The following CMIP variants were observed in gnomAD, a reference collection of about 807,000 sequenced individuals.
The protein encoded by CMIP is c-Maf inducing protein, also known as C-Maf-inducing protein.
A neutral mutation model predicts 97.3 loss-of-function variants in CMIP; 13 were observed. That is an observed-to-expected ratio of 0.13 (90% CI 0.09 to 0.21). CMIP has a LOEUF of 0.21. CMIP is among the 10% of genes least tolerant of loss of function. The probability of loss-of-function intolerance (pLI) is 1.00; values close to 1 mark genes in which losing one functional copy is unlikely to be tolerated. For missense variants in CMIP, 847 were observed against 1,024.9 expected, an observed-to-expected ratio of 0.83 and a Z score of 2.37; for synonymous variants, 538 against 436.3, an observed-to-expected ratio of 1.23 and a Z score of -2.91.
rs563329807 is a variant in CMIP at position 81,463,464 on chromosome 16, G to A, written c.300+17923G>A. 1.2e-4 allele frequency among the ~76,000 whole-genome samples: 18 copies of A among 152,292 alleles called. No individual in the cohort carries two copies. The South Asian group carries it at 1.7e-3, about 14-fold the overall frequency. ...TTGTTTGCTTCATTACTCCCACTACGTTTGGCGGGACGGCGGTTGTGGTTT... is the reference window on the plus strand; with the variant it reads ...TTGTTTGCTTCATTACTCCCACTACATTTGGCGGGACGGCGGTTGTGGTTT... On this transcript the variant is annotated intron_variant, in intron 1 of 20. Coordinates refer to ENST00000537098, the MANE Select transcript of CMIP (RefSeq NM_198390.3).
chr16:81,696,290 A>G, intron 13 of CMIP: 1 of 547,242 alleles, frequency 1.8e-6, no homozygotes, highest in Non-Finnish European at 3.3e-6. Flanking sequence ...CTTCATTCAG[A>G]TCAGCCAATC....
intron 7 of CMIP, chr16:81,666,026 G>C (rs1360920989): frequency 6.6e-6 from 1 of 152,202 alleles, no homozygotes; most frequent in Non-Finnish European, 1.5e-5. Context: ...TCAGAACACA[G>C]GGGATAGGGA....
intron 1 of CMIP, among the ~76,000 whole-genome samples, chr16:81,465,480 C>T (rs1282876072): frequency 6.6e-6 from 1 of 152,236 alleles, no homozygotes; most frequent in Non-Finnish European, 1.5e-5. Flanking sequence ...TCTCTGTCCC[C>T]AGACTGGACC....
intron 1 of CMIP, among the ~76,000 whole-genome samples, chr16:81,515,680 C>T (rs115490546): frequency 3.9e-5 from 6 of 152,124 alleles, no homozygotes; most frequent in Non-Finnish European, 5.9e-5. Flanking sequence ...TTCTAAGGAC[C>T]GGAGGTTGGT....
chr16:81,494,501 T>C (rs1266619046), intron 1 of CMIP, among the ~76,000 whole-genome samples: 2 of 152,164 alleles, frequency 1.3e-5, no homozygotes, highest in African/African-American at 2.4e-5. Flanking sequence ...CAGCTCCCCT[T>C]CCACCTTGGG....
At chr16:81,630,064 C>T (rs2092133218) in intron 3 of CMIP, 1 of 152,238 alleles carries the variant, frequency 6.6e-6, no homozygotes, top group African/African-American at 2.4e-5. Flanking sequence ...AGGTTCCAAC[C>T]CTGATCCACT....
rs117244350 is a variant in CMIP, at chr16:81,575,918, G to A, written c.301-31649G>A. Among the ~76,000 whole-genome samples the A allele has an allele frequency of 9.2e-5, 14 of 152,274 alleles. No homozygotes were observed. In the East Asian group the frequency reaches 2.5e-3, roughly 27 times the overall value. On this transcript the variant is annotated intron_variant, in intron 1 of 20. Transcript: ENST00000537098. The stretch of plus-strand genomic sequence containing the variant: ...AACACTTGGATACATTTAGTAGACT[G>A]GCTAAACTGTAAGACTTTTCAAAAT...
Position 81,645,479 on chromosome 16 carries a change from C to T in CMIP, c.478-6724C>T, listed in dbSNP as rs913701462. On this transcript the variant is annotated intron_variant, in intron 3 of 20. Coordinates refer to ENST00000537098, the MANE Select transcript of CMIP (RefSeq NM_198390.3). ...CTCCTCTCCTGGCAAGGGGCACATT[C>T]CTGCTGACGACTTGTCTCCCGTGGA... 2.6e-5 allele frequency: 40 copies of T among 1,533,344 alleles called. 1 individual carries two copies. In the African/African-American group the frequency reaches 4.5e-4, roughly 17 times the overall value. 95.0% of individuals were successfully genotyped at this position (1,533,344 alleles called of 1,614,324 possible).
At position 81,616,435 on chromosome 16, in the gene CMIP, T is replaced by C. The variant is rs1166102759; in HGVS notation, c.427-4441T>C. Among the ~76,000 whole-genome samples, 2 of 151,842 alleles carry C rather than the reference T, an allele frequency of 1.3e-5. No individual in the cohort carries two copies. Among genetic ancestry groups the C allele is most frequent in the Non-Finnish European group, 2.9e-5 (2 of 67,936 alleles). On this transcript the variant is annotated intron_variant, in intron 2 of 20. Transcript: ENST00000537098. The surrounding 1 kb of genome is among the most constrained non-coding windows in gnomAD (Gnocchi z 4.7). The stretch of plus-strand genomic sequence containing the variant: ...TCAGCTTCCTCATCTGTAAGATGGG[T>C]GCGTTGAGGAGGAGAGGAGGTGTGT...
chr16:81,449,941 T>C (rs1382092539), intron 1 of CMIP, among the ~76,000 whole-genome samples: 2 of 152,228 alleles, frequency 1.3e-5, no homozygotes, highest in African/African-American at 4.8e-5. Flanking sequence ...ATCATGCCAG[T>C]CCAGGTGGAA....
At chr16:81,639,562 G>T (rs554595729) in intron 3 of CMIP, among the ~76,000 whole-genome samples, 14 of 152,338 alleles carry the variant, frequency 9.2e-5, no homozygotes, top group African/African-American at 3.4e-4. Context: ...CATTCATAGT[G>T]TGGCCTGCGT....
intron 1 of CMIP, among the ~76,000 whole-genome samples, chr16:81,528,746 A>G (rs749926512): frequency 2.0e-5 from 3 of 152,178 alleles, no homozygotes; most frequent in Non-Finnish European, 2.9e-5. Flanking sequence ...TTTCAATGGC[A>G]TGAAAGAAAC....
chr16:81,696,741 G>A (rs549505520), intron 14 of CMIP, 74 bp downstream of exon 14: 46 of 1,388,364 alleles, frequency 3.3e-5, no homozygotes, highest in African/African-American at 7.1e-5. Context: ...TAAAACAGCC[G>A]TCCCCCATCC....
At chr16:81,461,553 T>G (rs1266904993) in intron 1 of CMIP, among the ~76,000 whole-genome samples, 4 of 152,236 alleles carry the variant, frequency 2.6e-5, no homozygotes, top group African/African-American at 9.6e-5. Flanking sequence ...CCATTCTTGA[T>G]GTAGCCCAGC....
intron 1 of CMIP, among the ~76,000 whole-genome samples, chr16:81,576,471 T>G (rs543798648): frequency 1.3e-5 from 2 of 152,156 alleles, no homozygotes; most frequent in South Asian, 2.1e-4. Context: ...AGAGACTTAT[T>G]ATCACATCAG....
chr16:81,703,538 CAT>C (rs1200641022), intron 17 of CMIP, among the ~76,000 whole-genome samples: 4 of 151,946 alleles, frequency 2.6e-5, no homozygotes, highest in Non-Finnish European at 5.9e-5. Flanking sequence ...CAGACACACA[CAT>C]GTACAGACAC....
intron 1 of CMIP, among the ~76,000 whole-genome samples, chr16:81,560,673 G>C (rs2090865213): frequency 6.6e-6 from 1 of 152,032 alleles, no homozygotes; most frequent in Non-Finnish European, 1.5e-5. Context: ...CTCCATTCAT[G>C]GTAAATGCTC....
intron 1 of CMIP, among the ~76,000 whole-genome samples, chr16:81,511,244 C>A (rs1567551378): frequency 6.6e-6 from 1 of 152,166 alleles, no homozygotes; most frequent in African/African-American, 2.4e-5. Flanking sequence ...AATAAAGTAT[C>A]TTTTAACAAA....
chr16:81,527,845 GT>G (rs1186645946), intron 1 of CMIP, among the ~76,000 whole-genome samples: 1 of 152,184 alleles, frequency 6.6e-6, no homozygotes, highest in East Asian at 1.9e-4. Context: ...GGGCATTCAC[GT>G]TGTTGCCTTC....
Sources: gnomAD v4.1 joint callset for allele counts (sites outside exome capture counted in the v4.1 genomes callset) on GRCh38, gnomAD v4.1.1 for gene constraint, Gnocchi (gnomAD v3.1) non-coding constraint, MANE v1.5 for transcripts, NCBI Gene and HGNC (gene_info 2026-07-23, HGNC 2026-07-21) for gene names.